Variants in THRAP3 observed in about 807,000 individuals in gnomAD.
THRAP3 encodes the protein thyroid hormone receptor-associated protein 3.
THRAP3 carries 16 observed loss-of-function variants against 101.0 expected under a neutral mutation model. The observed-to-expected ratio is 0.16, with a 90% confidence interval of 0.11 to 0.24. The LOEUF is 0.24. THRAP3 is among the 10% of genes least tolerant of loss of function. The probability of loss-of-function intolerance (pLI) is 1.00; values close to 1 mark genes in which losing one functional copy is unlikely to be tolerated. For synonymous variants in THRAP3, 407 were observed against 422.6 expected (o/e 0.96, Z 0.45); for missense variants, 989 against 1,202.7 (o/e 0.82, Z 2.63).
At chr1:36,287,365 TA>T in intron 4 of THRAP3, 95 bp downstream of exon 4, 1 of 1,419,654 alleles carries the variant, frequency 7.0e-7, no homozygotes, top group Non-Finnish European at 9.3e-7. Flanking sequence ...TGATTAATGG[TA>T]AAAGGTAATC....
upstream of THRAP3, among the ~76,000 whole-genome samples, chr1:36,222,633 C>T (rs1006487947): frequency 6.6e-6 from 1 of 152,014 alleles, no homozygotes; most frequent in African/African-American, 2.4e-5. Context: ...ATCACGAACT[C>T]CTGACCTCAG....
chr1:36,278,964 A>G (rs907307331), intron 2 of THRAP3, among the ~76,000 whole-genome samples: 1 of 151,936 alleles, frequency 6.6e-6, no homozygotes, highest in African/African-American at 2.4e-5. Context: ...AAATAAATAC[A>G]TAAATAAAAT....
At chr1:36,281,365 G>T (rs1258728516) in intron 2 of THRAP3, among the ~76,000 whole-genome samples, 3 of 152,138 alleles carry the variant, frequency 2.0e-5, no homozygotes, top group African/African-American at 7.2e-5. Flanking sequence ...GCTGACTTTA[G>T]TCTCAAAGCT....
At chr1:36,280,534 G>C (rs975741862) in intron 2 of THRAP3, among the ~76,000 whole-genome samples, 1 of 152,130 alleles carries the variant, frequency 6.6e-6, no homozygotes, top group African/African-American at 2.4e-5. Context: ...AATTCTGAGG[G>C]GTAGGAGGGG....
chr1:36,281,797 A>G (rs1255301340), intron 2 of THRAP3, among the ~76,000 whole-genome samples: 1 of 151,988 alleles, frequency 6.6e-6, no homozygotes, highest in African/African-American at 2.4e-5. Flanking sequence ...TAGGCCAGGC[A>G]CGGTGGCTCA....
intron 1 of THRAP3, among the ~76,000 whole-genome samples, chr1:36,252,178 TGC>T (rs1369833991): frequency 6.6e-5 from 10 of 152,200 alleles, no homozygotes; most frequent in Admixed American, 1.3e-4. Flanking sequence ...CAGGCTGGAG[TGC>T]AGTGGCGCTA....
chr1:36,270,574 TTTG>T (rs1378103539), intron 2 of THRAP3, among the ~76,000 whole-genome samples: 178 of 5,444 alleles, frequency 0.033, 18 homozygotes, highest in East Asian at 0.075. Context: ...TGTTTAGGTT[TTTG>T]TTTTTTTTTT....
chr1:36,296,547 T>G (rs1485327751), intron 8 of THRAP3, 36 bp from the exon 9 acceptor site: 1 of 1,497,236 alleles, frequency 6.7e-7, no homozygotes, highest in Admixed American at 2.5e-5. Flanking sequence ...CAGCTCTGAA[T>G]CCCAGAAACC....
rs1487289042 is a variant in THRAP3 at position 36,304,191 on chromosome 1, A to C, written c.*174A>C. On this transcript the variant is annotated 3_prime_UTR_variant, in exon 12 of 12. Coordinates refer to ENST00000354618, the MANE Select transcript of THRAP3 (RefSeq NM_005119.4). Reference sequence around the variant, plus strand: ...TCCCTGGCGCTGTCTCCCACTGGACAGAGGAGGCTGGCCATGGGGCCCAGG... The same window carrying C: ...TCCCTGGCGCTGTCTCCCACTGGACCGAGGAGGCTGGCCATGGGGCCCAGG... 9.7e-7 allele frequency: 1 copy of C among 1,026,728 alleles called. No homozygotes were observed. The highest frequency in any genetic ancestry group is 1.3e-6 in the Non-Finnish European group (1 of 751,202). The allele number at this position is 1,026,728 out of a possible 1,614,324, so 63.6% of individuals were successfully genotyped here.
In THRAP3 at chr1:36,287,088, T is replaced by C. The variant is rs752713949; in HGVS notation, c.858T>C (p.Thr286=). 30 of 1,613,972 alleles carry C rather than the reference T, an allele frequency of 1.9e-5. No individual in the cohort carries two copies. The highest frequency in any genetic ancestry group is 2.5e-5 in the Non-Finnish European group (29 of 1,180,002). ...PLSSTSQMGS[T]LPSGAGYQSG... The stretch of plus-strand genomic sequence containing the variant: ...CCAGCACATCCCAGATGGGCTCAAC[T>C]CTGCCGAGTGGTGCCGGGTATCAGT... The change falls in exon 4 of 12, where the codon ACT becomes ACC. Residue 286 remains threonine, a synonymous_variant. Coordinates refer to ENST00000354618, the MANE Select transcript of THRAP3 (RefSeq NM_005119.4).
chr1:36,210,849 G>A, the THRAP3 span, among the ~76,000 whole-genome samples: 1 of 146,104 alleles, frequency 6.8e-6, no homozygotes, highest in Non-Finnish European at 1.5e-5. Context: ...AAATAGTGAT[G>A]CCTGTGATCC....
At chr1:36,284,697 C>G (rs1645774019) in intron 3 of THRAP3, among the ~76,000 whole-genome samples, 1 of 152,200 alleles carries the variant, frequency 6.6e-6, no homozygotes, top group African/African-American at 2.4e-5. Context: ...TGTGCAATGA[C>G]TGTGAGTTTT....
intron 6 of THRAP3, 24 bp from the exon 7 acceptor site, chr1:36,292,574 A>C: frequency 1.9e-6 from 3 of 1,589,828 alleles, no homozygotes; most frequent in Non-Finnish European, 2.6e-6. Flanking sequence ...CTGGCCCATA[A>C]TGTGTTTCTT....
chr1:36,294,176 A>G (rs1286512812), intron 8 of THRAP3: 5 of 1,261,316 alleles, frequency 4.0e-6, no homozygotes, highest in Non-Finnish European at 5.0e-6. Flanking sequence ...TGAGAAAAAA[A>G]AGAGAGGAGT....
At chr1:36,259,655 A>G (rs1645419380) in intron 2 of THRAP3, among the ~76,000 whole-genome samples, 171 bp downstream of exon 2, 1 of 151,960 alleles carries the variant, frequency 6.6e-6, no homozygotes, top group Non-Finnish European at 1.5e-5. Flanking sequence ...GGTCCCAGCT[A>G]CTTGGGAGGC....
rs116229355 is a variant in THRAP3, at chr1:36,303,203, A to G, written c.2647-593A>G. 7.6e-3 allele frequency among the ~76,000 whole-genome samples: 1,155 copies of G among 151,254 alleles called. 8 individuals carry two copies. The highest frequency in any genetic ancestry group is 0.027 in the African/African-American group (1,096 of 41,018). ...GGTCTCGAAATTCTGAGCTCAGACAATCTGCCTGCCTCGGCCTCCCAAAGT... is the reference window on the plus strand; with the variant it reads ...GGTCTCGAAATTCTGAGCTCAGACAGTCTGCCTGCCTCGGCCTCCCAAAGT... On this transcript the variant is annotated intron_variant, in intron 11 of 11. Coordinates refer to ENST00000354618, the MANE Select transcript of THRAP3 (RefSeq NM_005119.4).
chr1:36,282,480 T>C, intron 2 of THRAP3, 53 bp from the exon 3 acceptor site: 1 of 1,344,506 alleles, frequency 7.4e-7, no homozygotes. Flanking sequence ...CCAAAGAGGT[T>C]CACATTTGCA....
chr1:36,298,115 C>T (rs1307111053), intron 9 of THRAP3, among the ~76,000 whole-genome samples: 1 of 133,512 alleles, frequency 7.5e-6, no homozygotes, highest in African/African-American at 2.8e-5. Flanking sequence ...GCACTGCATT[C>T]CAGCCTAGGC....
At chr1:36,215,276 A>G in the THRAP3 span, among the ~76,000 whole-genome samples, 1 of 152,216 alleles carries the variant, frequency 6.6e-6, no homozygotes, top group Admixed American at 6.5e-5. Context: ...TGGTCTCAAT[A>G]AAATCCAATC....
Sources: gnomAD v4.1 joint callset for allele counts (sites outside exome capture counted in the v4.1 genomes callset) on GRCh38, gnomAD v4.1.1 for gene constraint, MANE v1.5 for transcripts, NCBI Gene and HGNC (gene_info 2026-07-23, HGNC 2026-07-21) for gene names.